PILRA: variants seen among roughly 807,000 people sequenced by gnomAD.
PILRA encodes the protein paired immunoglobulin-like type 2 receptor alpha.
PILRA carries 37 observed loss-of-function variants against 33.1 expected under a neutral mutation model. The observed-to-expected ratio is 1.12, with a 90% CI of 0.86 to 1.47. PILRA has a LOEUF of 1.47. Among genes scored for constraint, PILRA ranks in the 40% most tolerant of loss-of-function variants. The pLI is 0.00. For missense variants in PILRA, 312 were observed against 376.2 expected (o/e 0.83, Z 1.41); for synonymous variants, 146 against 149.9 (o/e 0.97, Z 0.19).
At position 100,386,890 on chromosome 7, in the gene PILRA, C is replaced by T. The variant is rs569122109; in HGVS notation, c.455-2998C>T. 5.3e-5 allele frequency among the ~76,000 whole-genome samples: 8 copies of T among 151,550 alleles called. No individual in the cohort carries two copies. In the South Asian group the frequency reaches 1.7e-3, roughly 32 times the overall value. ...GATATTAGCATTAGGATTATGGAAT[C>T]ATTTTATGAAATGGATTCAAATTGC... is the stretch of plus-strand genomic sequence containing the variant. On this transcript the variant is annotated intron_variant, in intron 2 of 6. Coordinates refer to ENST00000198536, the MANE Select transcript of PILRA (RefSeq NM_013439.3).
intron 3 of PILRA, among the ~76,000 whole-genome samples, chr7:100,393,734 C>CA (rs1346341529): frequency 1.3e-5 from 2 of 152,040 alleles, no homozygotes. Context: ...GCTTCTGTCC[C>CA]AAAGGTTGCC....
Position 100,384,451 on chromosome 7 carries a change from G to A in PILRA, c.455-5437G>A, listed in dbSNP as rs1214371969. Among the ~76,000 whole-genome samples, 36 of 145,472 alleles carry A rather than the reference G, an allele frequency of 2.5e-4. 1 individual carries two copies. The highest frequency in any genetic ancestry group is 3.7e-3 in the Middle Eastern group (1 of 272). On this transcript the variant is annotated intron_variant, in intron 2 of 6. Transcript: ENST00000198536. ...AAAATTTTTTTTTTTTTTTTGAGAC[G>A]GAGTCTCACTCTGTCACCCAGGCTG...
At chr7:100,380,039 G>A (rs1474192838) in intron 2 of PILRA, among the ~76,000 whole-genome samples, 2 of 152,134 alleles carry the variant, frequency 1.3e-5, no homozygotes, top group Non-Finnish European at 2.9e-5. Context: ...GAAAATCTAC[G>A]TCAGAAGCAG....
At chr7:100,381,926 G>T (rs909514021) in intron 2 of PILRA, among the ~76,000 whole-genome samples, 1 of 152,202 alleles carries the variant, frequency 6.6e-6, no homozygotes, top group Non-Finnish European at 1.5e-5. Flanking sequence ...CGCTGTGCTC[G>T]ATTTCTCGCC....
chr7:100,392,313 A>G lies in PILRA; in HGVS notation c.673+2207A>G, dbSNP rs572276148. Among the ~76,000 whole-genome samples, 12 of 152,278 alleles carry G rather than the reference A, an allele frequency of 7.9e-5. No homozygotes were observed. The South Asian group carries it at 1.7e-3, about 21-fold the overall frequency. ...GACAGAGTGCAAGGAGATTTGCCCTATCAGCTATGAAAGCACAGAGGGGAG... is the reference window on the plus strand; with the variant it reads ...GACAGAGTGCAAGGAGATTTGCCCTGTCAGCTATGAAAGCACAGAGGGGAG... On this transcript the variant is annotated intron_variant, in intron 3 of 6. Coordinates refer to ENST00000198536, the MANE Select transcript of PILRA (RefSeq NM_013439.3).
chr7:100,381,492 A>C (rs1791092581), intron 2 of PILRA, among the ~76,000 whole-genome samples: 1 of 152,080 alleles, frequency 6.6e-6, no homozygotes. Context: ...ACCACCACCA[A>C]AACAACCAAA....
At chr7:100,372,152 C>T (rs1392157058), upstream of PILRA, among the ~76,000 whole-genome samples, 3 of 152,186 alleles carry the variant, frequency 2.0e-5, no homozygotes, top group Non-Finnish European at 4.4e-5. Flanking sequence ...AGCCCAAAGC[C>T]CCCGTCCCTC....
chr7:100,392,501 T>G (rs1487069776), intron 3 of PILRA, among the ~76,000 whole-genome samples: 2 of 152,106 alleles, frequency 1.3e-5, no homozygotes, highest in East Asian at 3.9e-4. Context: ...TGTACTGTGT[T>G]TAGATCTTGC....
At chr7:100,374,604 C>G (rs1487192087) in intron 2 of PILRA, 171 bp downstream of exon 2, 1 of 732,476 alleles carries the variant, frequency 1.4e-6, no homozygotes, top group African/African-American at 1.7e-5. Flanking sequence ...TTTTCTCTTC[C>G]CCTTGTCTCC....
intron 2 of PILRA, among the ~76,000 whole-genome samples, chr7:100,375,921 G>T (rs561673089): frequency 1.3e-5 from 2 of 152,296 alleles, no homozygotes; most frequent in African/African-American, 4.8e-5. Context: ...AAAGGGCGTC[G>T]GGGAAATTTG....
At chr7:100,379,520 T>C (rs530395407) in intron 2 of PILRA, among the ~76,000 whole-genome samples, 1 of 151,326 alleles carries the variant, frequency 6.6e-6, no homozygotes, top group Admixed American at 6.6e-5. Flanking sequence ...ACAAAAAAAT[T>C]AGTTGGGCGT....
At chr7:100,395,822 T>C (rs1791482706) in intron 3 of PILRA, among the ~76,000 whole-genome samples, 1 of 152,132 alleles carries the variant, frequency 6.6e-6, no homozygotes, top group Non-Finnish European at 1.5e-5. Flanking sequence ...GCATGGCCTT[T>C]CCTCAAAAAT....
intron 2 of PILRA, among the ~76,000 whole-genome samples, chr7:100,375,758 A>ACAAG (rs1790931477): frequency 6.6e-6 from 1 of 152,030 alleles, no homozygotes. Context: ...AAACAAACAA[A>ACAAG]CACAATGAAA....
intron 4 of PILRA, among the ~76,000 whole-genome samples, chr7:100,398,990 G>T (rs745327752): frequency 6.6e-6 from 1 of 151,654 alleles, no homozygotes; most frequent in Non-Finnish European, 1.5e-5. Context: ...CACCCAGGCT[G>T]GAGTGCAGTG....
intron 2 of PILRA, among the ~76,000 whole-genome samples, chr7:100,380,740 C>T (rs1233282409): frequency 1.3e-4 from 19 of 151,908 alleles, no homozygotes; most frequent in African/African-American, 4.4e-4. Context: ...CCGAGGCGGG[C>T]GGATCACTTG....
chr7:100,384,217 G>T (rs1395561162), intron 2 of PILRA, among the ~76,000 whole-genome samples: 2 of 151,982 alleles, frequency 1.3e-5, no homozygotes, highest in Admixed American at 1.3e-4. Context: ...CATTTACTGA[G>T]TGGGGGAAAC....
chr7:100,399,359 C>T lies in PILRA; in HGVS notation c.757+19C>T. 1 of 1,605,886 alleles carries T rather than the reference C, an allele frequency of 6.2e-7. No homozygotes were observed. Among genetic ancestry groups the T allele is most frequent in the Middle Eastern group, 1.7e-4 (1 of 6,016 alleles). ...AATGAAGGTGAGTCCTTACCACCAT[C>T]CTTCCCCAGTTTCTACCCCTGGCAC... On this transcript the variant is annotated intron_variant, in intron 5 of 6. Coordinates refer to ENST00000198536, the MANE Select transcript of PILRA (RefSeq NM_013439.3).
chr7:100,383,313 C>T (rs1791162464), intron 2 of PILRA, among the ~76,000 whole-genome samples: 1 of 152,060 alleles, frequency 6.6e-6, no homozygotes, highest in African/African-American at 2.4e-5. Context: ...TACAGGGCAC[C>T]CGAGCCCACA....
intron 2 of PILRA, among the ~76,000 whole-genome samples, chr7:100,381,772 G>T (rs982691525): frequency 1.3e-5 from 2 of 152,188 alleles, no homozygotes; most frequent in African/African-American, 4.8e-5. Context: ...GGCGCTTGCG[G>T]GCCAGCTAGA....
Sources: allele counts gnomAD v4.1 joint callset (sites outside exome capture counted in the v4.1 genomes callset), GRCh38; gene constraint gnomAD v4.1.1; transcripts MANE v1.5; gene names NCBI Gene and HGNC (gene_info 2026-07-23, HGNC 2026-07-21).